COMT: variants seen among roughly 807,000 people sequenced by gnomAD.
COMT encodes the protein catechol O-methyltransferase.
A neutral mutation model predicts 18.9 loss-of-function variants in COMT; 13 were observed. That is an observed-to-expected ratio of 0.69 (90% CI 0.45 to 1.09). COMT has a LOEUF of 1.09. Among genes scored for constraint, COMT ranks in the 50% least tolerant of loss-of-function variants. The probability of loss-of-function intolerance (pLI) is 0.00; values close to 1 mark genes in which losing one functional copy is unlikely to be tolerated. For synonymous variants in COMT, 150 were observed against 160.9 expected (o/e 0.93, Z 0.51); for missense variants, 329 against 361.8 (o/e 0.91, Z 0.73).
rs1267720875 is a variant in COMT at position 19,964,209 on chromosome 22, G to T, written c.525G>T (p.Gln175His). ...VVGASQDIIP[Q>H]LKKKYDVDTL... ...GAGCGTCCCAGGACATCATCCCCCA[G>T]CTGAAGAAGAAGTATGATGTGGACA... The change falls in exon 5 of 6, where the codon CAG becomes CAT. Residue 175 changes from glutamine to histidine, a missense_variant. Coordinates refer to ENST00000361682, the MANE Select transcript of COMT (RefSeq NM_000754.4). 1 of 1,614,042 alleles carries T rather than the reference G, an allele frequency of 6.2e-7. No individual in the cohort carries two copies. Among genetic ancestry groups the T allele is most frequent in the Non-Finnish European group, 8.5e-7 (1 of 1,180,042 alleles).
Position 19,963,546 on chromosome 22 carries a change from C to T in COMT, c.290-20C>T, listed in dbSNP as rs778309114. 1.9e-6 allele frequency: 3 copies of T among 1,609,812 alleles called. No individual in the cohort carries two copies. Among genetic ancestry groups the T allele is most frequent in the Non-Finnish European group, 1.7e-6 (2 of 1,179,868 alleles). The stretch of plus-strand genomic sequence containing the variant: ...CTCTCCACCTGTGCTCACCTCTCCT[C>T]CGTCCCCAACCCTGCACAGGCAAGA... On this transcript the variant is annotated intron_variant, in intron 3 of 5. Coordinates refer to ENST00000361682, the MANE Select transcript of COMT (RefSeq NM_000754.4).
intron 1 of COMT, among the ~76,000 whole-genome samples, chr22:19,960,183 C>A (rs903153905): frequency 6.6e-6 from 1 of 152,244 alleles, no homozygotes; most frequent in African/African-American, 2.4e-5. Context: ...TAATTTGGGA[C>A]TCCAAGGTCT....
intron 1 of COMT, among the ~76,000 whole-genome samples, chr22:19,953,149 A>G (rs1941985618): frequency 6.6e-6 from 1 of 152,044 alleles, no homozygotes; most frequent in Non-Finnish European, 1.5e-5. Flanking sequence ...GGTGGGCCTC[A>G]GGACTCATGG....
chr22:19,953,213 G>A (rs1462855723), intron 1 of COMT, among the ~76,000 whole-genome samples: 1 of 152,140 alleles, frequency 6.6e-6, no homozygotes, highest in African/African-American at 2.4e-5. Flanking sequence ...CAATGAGGAG[G>A]TCAGATTCCA....
At chr22:19,951,390 T>G (rs1941935399) in intron 1 of COMT, 2 of 149,688 alleles carry the variant, frequency 1.3e-5, no homozygotes, top group African/African-American at 4.9e-5. Context: ...CTGGGACTCT[T>G]AGCGCCTCAG....
chr22:19,968,905 T>C lies in COMT; in HGVS notation c.*169T>C, dbSNP rs973669692. The stretch of plus-strand genomic sequence containing the variant: ...AACCTCTCTGAACTGCAACACTGGA[T>C]TGTTCTTTTTTAAGACTCAATCATG... On this transcript the variant is annotated 3_prime_UTR_variant, in exon 6 of 6. Coordinates refer to ENST00000361682, the MANE Select transcript of COMT (RefSeq NM_000754.4). 2.7e-5 allele frequency: 17 copies of C among 632,588 alleles called. No individual in the cohort carries two copies. The highest frequency in any genetic ancestry group is 2.3e-4 in the African/African-American group (13 of 55,320). The allele number at this position is 632,588 out of a possible 1,614,324, so 39.2% of individuals were successfully genotyped here. A position where few individuals can be genotyped will look rare whatever the true frequency, so the allele number is the denominator to read the frequency against.
intron 2 of COMT, 185 bp from the exon 3 acceptor site, chr22:19,962,332 CGAGGGCACCA>C (rs1942211099): frequency 1.1e-6 from 1 of 887,764 alleles, no homozygotes; most frequent in Non-Finnish European, 1.7e-6. Flanking sequence ...TCTGTCTACC[CGAGGGCACCA>C]GAGGGCACGA....
chr22:19,966,609 T>G (rs1455722301), intron 5 of COMT, among the ~76,000 whole-genome samples: 2 of 151,734 alleles, frequency 1.3e-5, no homozygotes, highest in African/African-American at 4.9e-5. Flanking sequence ...CCTGGCTAAT[T>G]TAAAAATTTT....
Position 19,962,578 on chromosome 22 carries a change from CTGCTGGTGG to C in COMT, c.58_66del (p.Val20_Leu22del), listed in dbSNP as rs921623583. 5 of 1,453,776 alleles carry C rather than the reference CTGCTGGTGG, an allele frequency of 3.4e-6. No individual in the cohort carries two copies. In the African/African-American group the frequency reaches 5.7e-5, roughly 17 times the overall value. 90.1% of individuals were successfully genotyped at this position (1,453,776 alleles called of 1,614,324 possible). A position where few individuals can be genotyped will look rare whatever the true frequency, so the allele number is the denominator to read the frequency against. ...GGCAGCTGTGTTGCTGGGCCTGGTG[CTGCTGGTGG>C]TGCTGCTGCTGCTTCTGAGGCACTG... On this transcript the variant is annotated inframe_deletion, in exon 3 of 6. Transcript: ENST00000361682.
chr22:19,958,722 C>CA (rs361549), intron 1 of COMT, among the ~76,000 whole-genome samples: 52,880 of 87,104 alleles, frequency 0.61, 15,929 homozygotes, highest in Non-Finnish European at 0.65. Context: ...CCATCTCTAC[C>CA]AAAAAAAAAA....
chr22:19,948,676 TG>T (rs1368574242), intron 1 of COMT, among the ~76,000 whole-genome samples: 2 of 151,282 alleles, frequency 1.3e-5, no homozygotes, highest in African/African-American at 4.9e-5. Flanking sequence ...AAATTTAGGC[TG>T]GGTGCAGCGG....
rs199743418 is a variant in COMT at position 19,968,754 on chromosome 22, C to T, written c.*18C>T. ...GGCCCTGACTGCCCCCCCGGCCCCCCTCTCGGGCTCTCTCACCCAGCCTGG... is the reference window on the plus strand; with the variant it reads ...GGCCCTGACTGCCCCCCCGGCCCCCTTCTCGGGCTCTCTCACCCAGCCTGG... On this transcript the variant is annotated 3_prime_UTR_variant, in exon 6 of 6. Transcript: ENST00000361682. 66 of 1,601,010 alleles carry T rather than the reference C, an allele frequency of 4.1e-5. No homozygotes were observed. In the Admixed American group the frequency reaches 9.4e-4, roughly 23 times the overall value.
At chr22:19,960,433 CA>C (rs1312474296) in intron 1 of COMT, among the ~76,000 whole-genome samples, 1 of 152,238 alleles carries the variant, frequency 6.6e-6, no homozygotes, top group Non-Finnish European at 1.5e-5. Context: ...TTCAGGTCTG[CA>C]TGGTCCCTCT....
At position 19,956,370 on chromosome 22, in the gene COMT, CTTTTTT is replaced by C. The variant is rs361698; in HGVS notation, c.-91-4810_-91-4805del. The stretch of plus-strand genomic sequence containing the variant: ...GTTGGCCAGGATGGTCTTGAGCTCT[CTTTTTT>C]TTTTTTTTTTTTTTTTTTGAGACGG... On this transcript the variant is annotated intron_variant, in intron 1 of 5. Coordinates refer to ENST00000361682, the MANE Select transcript of COMT (RefSeq NM_000754.4). Among the ~76,000 whole-genome samples, 5 of 47,348 alleles carry C rather than the reference CTTTTTT, an allele frequency of 1.1e-4. No homozygotes were observed. The East Asian group carries it at 1.7e-3, about 16-fold the overall frequency. 31.1% of individuals were successfully genotyped at this position (47,348 alleles called of 152,430 possible).
chr22:19,944,206 A>G (rs2146125738), intron 1 of COMT, among the ~76,000 whole-genome samples: 1 of 152,268 alleles, frequency 6.6e-6, no homozygotes, highest in African/African-American at 2.4e-5. Context: ...GTAAGGGCTG[A>G]CGTGTAGGAA....
In COMT at chr22:19,962,747, G is replaced by T; in HGVS notation, c.221G>T (p.Ser74Ile). 1 of 1,613,516 alleles carries T rather than the reference G, an allele frequency of 6.2e-7. No individual in the cohort carries two copies. Among genetic ancestry groups the T allele is most frequent in the Non-Finnish European group, 8.5e-7 (1 of 1,179,784 alleles). Residue 74 changes from serine to isoleucine, a missense_variant, in exon 3 of 6, where the codon AGC (serine) becomes ATC (isoleucine). By Grantham distance (142) the Ser-to-Ile change is moderately radical (BLOSUM62 -2). Coordinates refer to ENST00000361682, the MANE Select transcript of COMT (RefSeq NM_000754.4). The stretch of plus-strand genomic sequence containing the variant: ...CATGCGGAGCCCGGGAACGCACAGA[G>T]CGTGCTGGAGGCCATTGACACCTAC... ...LQHAEPGNAQSVLEAIDTYCE... is the reference protein window; with the variant it reads ...LQHAEPGNAQIVLEAIDTYCE...
chr22:19,941,923 CGAAT>C, intron 1 of COMT, 26 bp downstream of exon 1: 1 of 1,063,436 alleles, frequency 9.4e-7, no homozygotes, highest in Non-Finnish European at 1.2e-6. Context: ...AGACCGGGGC[CGAAT>C]GCGGCCGGAT....
At position 19,952,981 on chromosome 22, in the gene COMT, TAAATAAATAAATAAATAAATA is replaced by T. The variant is rs1489032970; in HGVS notation, c.-91-8215_-91-8195del. Among the ~76,000 whole-genome samples, 38 of 118,490 alleles carry T rather than the reference TAAATAAATAAATAAATAAATA, an allele frequency of 3.2e-4. No individual in the cohort carries two copies. The East Asian group carries it at 4.5e-3, about 14-fold the overall frequency. The allele number at this position is 118,490 out of a possible 152,430, so 77.7% of individuals were successfully genotyped here. On this transcript the variant is annotated intron_variant, in intron 1 of 5. Coordinates refer to ENST00000361682, the MANE Select transcript of COMT (RefSeq NM_000754.4). Reference sequence around the variant, plus strand: ...ATAAATAAATAAATAAATAAATAAATAAATAAATAAATAAATAAATAAATAAAATGAAGCAGCAGCAGCTTT... The same window carrying T: ...ATAAATAAATAAATAAATAAATAAATAATAAAATGAAGCAGCAGCAGCTTT...
chr22:19,967,555 GA>G (rs1294481451), intron 5 of COMT: 1 of 371,940 alleles, frequency 2.7e-6, no homozygotes, highest in Non-Finnish European at 5.3e-6. Context: ...ATACAGGCTG[GA>G]AACGACCGCC....
Sources: gnomAD v4.1 joint callset for allele counts (sites outside exome capture counted in the v4.1 genomes callset) on GRCh38, gnomAD v4.1.1 for gene constraint, MANE v1.5 for transcripts, NCBI Gene and HGNC (gene_info 2026-07-23, HGNC 2026-07-21) for gene names.